Variants in ROBO2 observed in about 807,000 individuals in gnomAD.
ROBO2 encodes roundabout guidance receptor 2.
In ROBO2, 53 loss-of-function variants were observed where a neutral mutation model predicts 160.8. The ratio of observed to expected loss-of-function variants is 0.33; its 90% confidence interval spans 0.26 to 0.41. The LOEUF is 0.41. ROBO2 is among the 10% of genes least tolerant of loss of function. ROBO2 has a pLI of 1.00. For missense variants in ROBO2, 1,577 were observed against 1,722.4 expected, an observed-to-expected ratio of 0.92 and a Z score of 1.49; for synonymous variants, 664 against 611.7, an observed-to-expected ratio of 1.09 and a Z score of -1.26.
chr3:76,706,636 G>C (rs1332585499), intron 2 of ROBO2, among the ~76,000 whole-genome samples: 1 of 151,876 alleles, frequency 6.6e-6, no homozygotes, highest in Non-Finnish European at 1.5e-5. Context: ...TTTCTATGGG[G>C]AAAGAAATAA....
intron 2 of ROBO2, among the ~76,000 whole-genome samples, chr3:75,999,652 T>C (rs2065827479): frequency 6.6e-6 from 1 of 152,220 alleles, no homozygotes. Context: ...TTATTCTATT[T>C]TAATTTGTTC....
intron 2 of ROBO2, among the ~76,000 whole-genome samples, chr3:76,468,355 T>A (rs565232806): frequency 6.6e-6 from 1 of 152,250 alleles, no homozygotes; most frequent in East Asian, 1.9e-4. Flanking sequence ...CTGTCTCCTG[T>A]TTATTCGTTG....
intron 24 of ROBO2, among the ~76,000 whole-genome samples, 168 bp downstream of exon 25, chr3:77,635,211 A>G (rs2095243343): frequency 6.6e-6 from 1 of 152,248 alleles, no homozygotes; most frequent in African/African-American, 2.4e-5. Context: ...TTTAAAAACA[A>G]TCTAGAATTA....
At chr3:75,989,413 G>A (rs1004785157) in intron 2 of ROBO2, among the ~76,000 whole-genome samples, 3 of 152,148 alleles carry the variant, frequency 2.0e-5, no homozygotes, top group African/African-American at 7.2e-5. Context: ...ACTGCGCCAG[G>A]CCAAATATTC....
intron 2 of ROBO2, among the ~76,000 whole-genome samples, chr3:77,104,856 C>T (rs1447552519): frequency 6.6e-6 from 1 of 152,038 alleles, no homozygotes; most frequent in Non-Finnish European, 1.5e-5. Context: ...GAACAATTAA[C>T]CATATGGAAA....
chr3:76,166,688 C>T (rs1296891628), intron 2 of ROBO2, among the ~76,000 whole-genome samples: 1 of 151,994 alleles, frequency 6.6e-6, no homozygotes, highest in Non-Finnish European at 1.5e-5. Flanking sequence ...AAAAAAAAAT[C>T]CCAGCATAAT....
intron 2 of ROBO2, among the ~76,000 whole-genome samples, chr3:77,167,957 G>A (rs2079255410): frequency 6.6e-6 from 1 of 152,204 alleles, no homozygotes; most frequent in Admixed American, 6.5e-5. Context: ...GTAAATGAGA[G>A]ACTTGTCTTC....
chr3:76,972,639 G>A (rs751291706), intron 2 of ROBO2, among the ~76,000 whole-genome samples: 4 of 151,952 alleles, frequency 2.6e-5, no homozygotes, highest in African/African-American at 4.8e-5. Context: ...GGAGGACTGC[G>A]TGAACCTAGG....
chr3:77,282,091 T>C (rs1320261588), intron 2 of ROBO2, among the ~76,000 whole-genome samples: 2 of 152,166 alleles, frequency 1.3e-5, no homozygotes, highest in Non-Finnish European at 2.9e-5. Flanking sequence ...CTGTATTGCT[T>C]AGGGAATCAT....
At chr3:76,319,702 T>C (rs1272559626) in intron 2 of ROBO2, among the ~76,000 whole-genome samples, 4 of 152,082 alleles carry the variant, frequency 2.6e-5, no homozygotes, top group Admixed American at 2.6e-4. Context: ...TTCTGGATGA[T>C]TCATGCTGAT....
intron 2 of ROBO2, among the ~76,000 whole-genome samples, chr3:76,056,352 C>A (rs1324443829): frequency 1.3e-5 from 2 of 151,990 alleles, no homozygotes; most frequent in Non-Finnish European, 2.9e-5. Flanking sequence ...AAATCATTAG[C>A]CCATAGAATA....
At chr3:76,171,950 CT>C (rs1204257764) in intron 2 of ROBO2, among the ~76,000 whole-genome samples, 3 of 152,160 alleles carry the variant, frequency 2.0e-5, no homozygotes, top group Non-Finnish European at 4.4e-5. Context: ...AAACTCACCC[CT>C]AAGCTGTACT....
intron 2 of ROBO2, among the ~76,000 whole-genome samples, chr3:76,707,760 T>C (rs920455646): frequency 7.4e-6 from 1 of 134,380 alleles, no homozygotes; most frequent in Admixed American, 7.5e-5. Context: ...TATATATATA[T>C]AAATCTTAAA....
intron 2 of ROBO2, among the ~76,000 whole-genome samples, chr3:76,365,668 A>G (rs185889067): frequency 6.6e-6 from 1 of 152,234 alleles, no homozygotes; most frequent in East Asian, 1.9e-4. Flanking sequence ...GATAATGACA[A>G]GACCTCAAGA....
At chr3:77,626,864 C>T (rs764081160) in intron 23 of ROBO2, among the ~76,000 whole-genome samples, 3 of 152,076 alleles carry the variant, frequency 2.0e-5, no homozygotes, top group South Asian at 4.2e-4. Context: ...TTTTGTGTTA[C>T]GTTTTTGGAG....
intron 2 of ROBO2, among the ~76,000 whole-genome samples, chr3:77,291,937 GC>G (rs2061332158): frequency 6.6e-6 from 1 of 151,336 alleles, no homozygotes; most frequent in Non-Finnish European, 1.5e-5. Context: ...AAAATTGACG[GC>G]TAAAAGTGTA....
intron 2 of ROBO2, among the ~76,000 whole-genome samples, chr3:76,292,264 C>G (rs189384709): frequency 6.6e-6 from 1 of 152,294 alleles, no homozygotes; most frequent in African/African-American, 2.4e-5. Flanking sequence ...AAAAAGACAA[C>G]ATTAGTAGGC....
intron 2 of ROBO2, among the ~76,000 whole-genome samples, chr3:76,424,863 A>G (rs987964791): frequency 1.3e-5 from 2 of 152,276 alleles, no homozygotes; most frequent in South Asian, 2.1e-4. Context: ...TTTACTAACC[A>G]TTCTGTGAAG....
At chr3:75,929,172 CGTGTGTGTGTGT>C (rs35861088) in intron 1 of ROBO2, among the ~76,000 whole-genome samples, 2,512 of 113,642 alleles carry the variant, frequency 0.022, 13 homozygotes, top group African/African-American at 0.092. Context: ...CTGGATAAGA[CGTGTGTGTGTGT>C]GTGTGTGTGT....
Sources: gnomAD v4.1 joint callset for allele counts (sites outside exome capture counted in the v4.1 genomes callset) on GRCh38, gnomAD v4.1.1 for gene constraint, MANE v1.5 for transcripts, NCBI Gene and HGNC (gene_info 2026-07-23, HGNC 2026-07-21) for gene names.